CTRC: variants seen among roughly 807,000 people sequenced by gnomAD.
The protein encoded by CTRC is chymotrypsin-C.
A neutral mutation model predicts 35.7 loss-of-function variants in CTRC; 32 were observed. That is an observed-to-expected ratio of 0.90 (90% CI 0.68 to 1.20). The LOEUF is 1.20. CTRC is among the 50% of genes most tolerant of loss of function. The pLI is 0.00. For synonymous variants in CTRC, 119 were observed against 149.5 expected, an observed-to-expected ratio of 0.80 and a Z score of 1.49; for missense variants, 324 against 361.5, an observed-to-expected ratio of 0.90 and a Z score of 0.84.
chr1:15,449,068 T>G lies in CTRC; in HGVS notation c.*2479T>G, dbSNP rs1467245233. ...ATGCCCATTTTACAGATGAGAAAAC[T>G]GAGGCCAGACAGGGTTAGTGACTTC... is the stretch of plus-strand genomic sequence containing the variant. On this transcript the variant is annotated 3_prime_UTR_variant, in exon 8 of 8. Transcript: ENST00000375949. 3 of 152,126 alleles carry G rather than the reference T, an allele frequency of 2.0e-5. No homozygotes were observed. The highest frequency in any genetic ancestry group is 3.9e-4 in the East Asian group (2 of 5,190). The allele number at this position is 152,126 out of a possible 1,614,324, so 9.4% of individuals were successfully genotyped here. A position where few individuals can be genotyped will look rare whatever the true frequency, so the allele number is the denominator to read the frequency against.
chr1:15,444,507 C>T (rs1708185926), intron 5 of CTRC, 99 bp from the exon 6 acceptor site: 1 of 1,490,498 alleles, frequency 6.7e-7, no homozygotes, highest in African/African-American at 1.4e-5. Context: ...CCGGCGCTCC[C>T]CTGGGTCCTG....
intron 6 of CTRC, 117 bp downstream of exon 6, chr1:15,444,868 G>A: frequency 7.5e-7 from 1 of 1,337,694 alleles, no homozygotes; most frequent in Non-Finnish European, 1.1e-6. Flanking sequence ...AGCCCTGGCT[G>A]GGCCCAGCAG....
chr1:15,439,495 A>T (rs1231354828), intron 1 of CTRC, among the ~76,000 whole-genome samples: 2 of 152,046 alleles, frequency 1.3e-5, no homozygotes, highest in Non-Finnish European at 2.9e-5. Context: ...ACAGATGAGG[A>T]CATCGAGGTT....
At chr1:15,445,145 A>G (rs1323936580) in intron 6 of CTRC, among the ~76,000 whole-genome samples, 2 of 152,194 alleles carry the variant, frequency 1.3e-5, no homozygotes, top group Non-Finnish European at 2.9e-5. Context: ...CCACCAGTCC[A>G]GGGAGACCAG....
rs1313148663 is a variant in CTRC, at chr1:15,443,567, CCCTGGCAAATCCTGAGAGCCTT to C, written c.493+17_493+38del. 6.2e-7 allele frequency: 1 copy of C among 1,614,074 alleles called. No individual in the cohort carries two copies. Among genetic ancestry groups the C allele is most frequent in the African/African-American group, 1.3e-5 (1 of 74,948 alleles). On this transcript the variant is annotated intron_variant, in intron 5 of 7. Coordinates refer to ENST00000375949, the MANE Select transcript of CTRC (RefSeq NM_007272.3). ...GGGCCGCCTCTGGAGTGAGTATCGTCCCTGGCAAATCCTGAGAGCCTTCCTGAAGGAAGCAGGACGTCACCCA... is the reference window on the plus strand; with the variant it reads ...GGGCCGCCTCTGGAGTGAGTATCGTCCCTGAAGGAAGCAGGACGTCACCCA...
Position 15,443,498 on chromosome 1 carries a change from G to A in CTRC, c.436G>A (p.Asp146Asn), listed in dbSNP as rs773276396. The A allele has an allele frequency of 6.2e-7, 1 of 1,614,222 alleles. No individual in the cohort carries two copies. Among genetic ancestry groups the A allele is most frequent in the Non-Finnish European group, 8.5e-7 (1 of 1,180,048 alleles). The change falls in exon 5 of 8, where the codon GAC (aspartate) becomes AAC (asparagine). Residue 146 changes from aspartate to asparagine, a missense_variant. By Grantham distance (23) the Asp-to-Asn change is conservative. Transcript: ENST00000375949. Reference sequence around the variant, plus strand: ...CCAGGTGGCCTGCCTGCCAGAGAAGGACTCCCTGCTCCCCAAGGACTACCC... The same window carrying A: ...CCAGGTGGCCTGCCTGCCAGAGAAGAACTCCCTGCTCCCCAAGGACTACCC... ...TIQVACLPEK[D>N]SLLPKDYPCY... is the part of the protein sequence containing the mutation.
Position 15,446,618 on chromosome 1 carries a change from C to A in CTRC, c.*29C>A. On this transcript the variant is annotated 3_prime_UTR_variant, in exon 8 of 8. Coordinates refer to ENST00000375949, the MANE Select transcript of CTRC (RefSeq NM_007272.3). ...GTTGCTGGGAGCGGCGGCAGCGAGT[C>A]CCTGCAACAGCAATAAACTTCCTTC... The A allele has an allele frequency of 6.2e-7, 1 of 1,613,992 alleles. No homozygotes were observed. Among genetic ancestry groups the A allele is most frequent in the South Asian group, 1.1e-5 (1 of 91,072 alleles).
intron 6 of CTRC, 136 bp downstream of exon 6, chr1:15,444,887 T>A: frequency 1.9e-6 from 2 of 1,073,058 alleles, no homozygotes; most frequent in Non-Finnish European, 2.8e-6. Context: ...AGGCTCAGGG[T>A]AAGCCCATCA....
In CTRC at chr1:15,438,599, C is replaced by T. The variant is rs1708077892; in HGVS notation, c.40+95C>T. 4 of 1,405,406 alleles carry T rather than the reference C, an allele frequency of 2.8e-6. No homozygotes were observed. In the Admixed American group the frequency reaches 6.7e-5, roughly 24 times the overall value. The allele number at this position is 1,405,406 out of a possible 1,614,324, so 87.1% of individuals were successfully genotyped here. On this transcript the variant is annotated intron_variant, in intron 1 of 7. Transcript: ENST00000375949. ...TGGGGAGTGGGGGGGCCTCTGCTCT[C>T]CAGGTAAGACACTTTGGGGTCCCCT...
At chr1:15,442,923 A>G (rs144425514) in intron 4 of CTRC, among the ~76,000 whole-genome samples, 1 of 152,300 alleles carries the variant, frequency 6.6e-6, no homozygotes, top group African/African-American at 2.4e-5. Context: ...ACAGCCCTGG[A>G]CAAAGAACCA....
rs1324425259 is a variant in CTRC, at chr1:15,448,074, A to G, written c.*1485A>G. The G allele has an allele frequency of 6.6e-6, 1 of 152,152 alleles. No individual in the cohort carries two copies. Among genetic ancestry groups the G allele is most frequent in the Admixed American group, 6.5e-5 (1 of 15,274 alleles). 9.4% of individuals were successfully genotyped at this position (152,152 alleles called of 1,614,324 possible). On this transcript the variant is annotated 3_prime_UTR_variant, in exon 8 of 8. Transcript: ENST00000375949. ...GGCTTCCTGGAGGTGATGATGCCCAAGCTTGGTCTTAAAATTTGACTAGAA... is the reference window on the plus strand; with the variant it reads ...GGCTTCCTGGAGGTGATGATGCCCAGGCTTGGTCTTAAAATTTGACTAGAA...
In CTRC at chr1:15,446,978, G is replaced by A. The variant is rs992207215; in HGVS notation, c.*389G>A. The A allele has an allele frequency of 1.4e-4, 51 of 356,298 alleles. No individual in the cohort carries two copies. The highest frequency in any genetic ancestry group is 2.2e-4 in the Non-Finnish European group (41 of 183,642). 22.1% of individuals were successfully genotyped at this position (356,298 alleles called of 1,614,324 possible). A position where few individuals can be genotyped will look rare whatever the true frequency, so the allele number is the denominator to read the frequency against. On this transcript the variant is annotated 3_prime_UTR_variant, in exon 8 of 8. Coordinates refer to ENST00000375949, the MANE Select transcript of CTRC (RefSeq NM_007272.3). ...CCCTGATGAAATCACTCGCTTCTCCGATCCTACCTCCACCGAGGGGCCTGG... is the reference window on the plus strand; with the variant it reads ...CCCTGATGAAATCACTCGCTTCTCCAATCCTACCTCCACCGAGGGGCCTGG...
At chr1:15,440,171 C>G in intron 1 of CTRC, 129 bp from the exon 2 acceptor site, 1 of 843,838 alleles carries the variant, frequency 1.2e-6, no homozygotes, top group Non-Finnish European at 2.0e-6. Flanking sequence ...CCCCGTGACA[C>G]AGTAAAATAT....
intron 5 of CTRC, among the ~76,000 whole-genome samples, chr1:15,444,063 G>A (rs1398820178): frequency 6.6e-6 from 1 of 151,924 alleles, no homozygotes; most frequent in East Asian, 1.9e-4. Flanking sequence ...GACCAGCCTG[G>A]GCAACATAGT....
At chr1:15,439,914 G>A (rs1708100437) in intron 1 of CTRC, among the ~76,000 whole-genome samples, 1 of 152,110 alleles carries the variant, frequency 6.6e-6, no homozygotes, top group Non-Finnish European at 1.5e-5. Flanking sequence ...GCTAATTTCT[G>A]TATTTTTAGT....
intron 7 of CTRC, 134 bp downstream of exon 7, chr1:15,445,883 C>G: frequency 9.9e-7 from 1 of 1,012,494 alleles, no homozygotes; most frequent in South Asian, 1.3e-5. Flanking sequence ...TTTATTCACT[C>G]ATTCATGCAT....
At chr1:15,444,531 C>G in intron 5 of CTRC, 75 bp from the exon 6 acceptor site, 1 of 1,584,792 alleles carries the variant, frequency 6.3e-7, no homozygotes, top group Non-Finnish European at 8.6e-7. Flanking sequence ...CAGGCATCTG[C>G]TCCCTGAAGG....
Position 15,446,911 on chromosome 1 carries a change from A to G in CTRC, c.*322A>G. The stretch of plus-strand genomic sequence containing the variant: ...GGGATGGGAGTGAAGGACGCATCAG[A>G]CACCTTCCCCGCTCCATCTCACAAG... On this transcript the variant is annotated 3_prime_UTR_variant, in exon 8 of 8. Transcript: ENST00000375949. 6.1e-6 allele frequency: 3 copies of G among 491,974 alleles called. No homozygotes were observed. Among genetic ancestry groups the G allele is most frequent in the Non-Finnish European group, 7.4e-6 (2 of 268,694 alleles). 30.5% of individuals were successfully genotyped at this position (491,974 alleles called of 1,614,324 possible).
rs756754404 is a variant in CTRC, at chr1:15,445,835, C to T, written c.792+86C>T. On this transcript the variant is annotated intron_variant, in intron 7 of 7. Transcript: ENST00000375949. Reference sequence around the variant, plus strand: ...CCCCTCACTCATTCACTCATTCATGCGTTTATTCATTCATTCATTTATTCA... The same window carrying T: ...CCCCTCACTCATTCACTCATTCATGTGTTTATTCATTCATTCATTTATTCA... The T allele has an allele frequency of 2.9e-5, 43 of 1,477,932 alleles. No homozygotes were observed. The East Asian group carries it at 4.8e-4, about 16-fold the overall frequency. The allele number at this position is 1,477,932 out of a possible 1,614,324, so 91.6% of individuals were successfully genotyped here. A position where few individuals can be genotyped will look rare whatever the true frequency, so the allele number is the denominator to read the frequency against.
Sources: allele counts gnomAD v4.1 joint callset (sites outside exome capture counted in the v4.1 genomes callset), GRCh38; gene constraint gnomAD v4.1.1; transcripts MANE v1.5; gene names NCBI Gene and HGNC (gene_info 2026-07-23, HGNC 2026-07-21).